USP7: variants seen among roughly 807,000 people sequenced by gnomAD.
USP7 encodes ubiquitin C-terminal hydrolase 7.
A neutral mutation model predicts 162.9 loss-of-function variants in USP7; 9 were observed. The ratio of observed to expected loss-of-function variants is 0.06; its 90% CI spans 0.03 to 0.10. The LOEUF is 0.10. Ranked by LOEUF, USP7 falls within the 10% of genes least tolerant of loss-of-function variation. USP7 has a pLI of 1.00. For synonymous variants in USP7, 562 were observed against 475.9 expected (o/e 1.18, Z -2.35); for missense variants, 715 against 1,373.7 (o/e 0.52, Z 7.58).
At chr16:8,937,475 G>A (rs2141244399) in intron 1 of USP7, among the ~76,000 whole-genome samples, 1 of 152,324 alleles carries the variant, frequency 6.6e-6, no homozygotes, top group East Asian at 1.9e-4. Flanking sequence ...CCAGGAGGCG[G>A]AGGTTGCAGT....
At chr16:8,934,125 C>A (rs1202480734) in intron 1 of USP7, among the ~76,000 whole-genome samples, 1 of 152,168 alleles carries the variant, frequency 6.6e-6, no homozygotes, top group Non-Finnish European at 1.5e-5. Flanking sequence ...TCAAACTTAC[C>A]CTACGACAAT....
Position 8,900,589 on chromosome 16 carries a change from G to A in USP7, c.2250C>T (p.Asp750=), listed in dbSNP as rs754506621. Residue 750 remains aspartate, a synonymous_variant, in exon 21 of 31, where the codon GAC becomes GAT. Transcript: ENST00000344836. ...CATCAAGGGCTTTATCAAGAGACAC[G>A]TCATAGTCCTGAATTCTCTCTGTTA... is the stretch of plus-strand genomic sequence containing the variant. The part of the protein sequence containing the change: ...PNLTERIQDY[D]VSLDKALDEL... 1.9e-6 allele frequency: 3 copies of A among 1,611,878 alleles called. No homozygotes were observed. The highest frequency in any genetic ancestry group is 1.1e-5 in the South Asian group (1 of 90,448).
At chr16:8,936,621 T>A (rs768774774) in intron 1 of USP7, 2 of 1,559,438 alleles carry the variant, frequency 1.3e-6, no homozygotes, top group African/African-American at 1.4e-5. Flanking sequence ...CATCTCTGCA[T>A]GGCTCTGCAG....
At chr16:8,933,784 C>G (rs954255169) in intron 1 of USP7, among the ~76,000 whole-genome samples, 2 of 149,478 alleles carry the variant, frequency 1.3e-5, no homozygotes, top group African/African-American at 4.9e-5. Context: ...GAGATGGAGT[C>G]TTCCTCTATC....
At chr16:8,916,969 T>TA (rs34357840) in intron 7 of USP7, 57 bp downstream of exon 7, 165,476 of 1,260,614 alleles carry the variant, frequency 0.13, 574 homozygotes, top group East Asian at 0.14. Context: ...TCACTTGTCC[T>TA]AAAAAAAAAA....
Position 8,933,693 on chromosome 16 carries a change from A to C in USP7, c.80-3296T>G, listed in dbSNP as rs947113993. Among the ~76,000 whole-genome samples the C allele has an allele frequency of 6.0e-5, 9 of 150,134 alleles. No homozygotes were observed. The South Asian group carries it at 1.7e-3, about 28-fold the overall frequency. ...GTCTTGAACTGGACTCAAGCAATCC[A>C]CCCCTCTCAGTCTCCCAAAATGCTG... On this transcript the variant is annotated intron_variant, in intron 1 of 30. Transcript: ENST00000344836.
At chr16:8,924,759 C>A (rs932411257) in intron 2 of USP7, among the ~76,000 whole-genome samples, 1 of 152,198 alleles carries the variant, frequency 6.6e-6, no homozygotes, top group African/African-American at 2.4e-5. Flanking sequence ...CATCAGTCCT[C>A]CTGGGAGGGT....
At chr16:8,894,410 C>A in intron 30 of USP7, 140 bp downstream of exon 30, 1 of 742,334 alleles carries the variant, frequency 1.3e-6, no homozygotes, top group Non-Finnish European at 2.2e-6. Flanking sequence ...TTATGGAATG[C>A]TATTGCTCCT....
intron 4 of USP7, among the ~76,000 whole-genome samples, chr16:8,920,938 TCC>T (rs1212432727): frequency 2.0e-5 from 3 of 152,204 alleles, no homozygotes. Flanking sequence ...CACTGGGAAC[TCC>T]CTTTGAATGT....
chr16:8,911,705 C>T (rs979470820), intron 10 of USP7, among the ~76,000 whole-genome samples: 4 of 152,220 alleles, frequency 2.6e-5, no homozygotes, highest in Non-Finnish European at 5.9e-5. Context: ...CTCAAGGGAG[C>T]GGGAACCTGC....
chr16:8,925,021 A>G (rs886497826), intron 2 of USP7, among the ~76,000 whole-genome samples: 1 of 152,226 alleles, frequency 6.6e-6, no homozygotes, highest in Non-Finnish European at 1.5e-5. Flanking sequence ...GTTTAAGATA[A>G]TAACGTCTAG....
intron 1 of USP7, among the ~76,000 whole-genome samples, chr16:8,937,411 G>A (rs1051190018): frequency 6.6e-5 from 10 of 152,196 alleles, no homozygotes; most frequent in African/African-American, 9.6e-5. Flanking sequence ...ACGTGGTGGC[G>A]CATGCCTGTA....
At chr16:8,906,364 G>T in intron 13 of USP7, 62 bp downstream of exon 13, 1 of 1,572,804 alleles carries the variant, frequency 6.4e-7, no homozygotes, top group South Asian at 1.2e-5. Flanking sequence ...AGAACAGGCT[G>T]AAGCAGAGCT....
chr16:8,928,626 T>G (rs957243614), intron 2 of USP7, among the ~76,000 whole-genome samples: 8 of 152,122 alleles, frequency 5.3e-5, no homozygotes, highest in Non-Finnish European at 7.4e-5. Flanking sequence ...CCCACGCACT[T>G]TGCCATCAGA....
chr16:8,934,017 A>C (rs1259096046), intron 1 of USP7, among the ~76,000 whole-genome samples: 1 of 152,040 alleles, frequency 6.6e-6, no homozygotes, highest in Non-Finnish European at 1.5e-5. Context: ...TTGGCCTCCC[A>C]AAAGTGCTGA....
chr16:8,942,615 A>G (rs1899099942), intron 1 of USP7, among the ~76,000 whole-genome samples: 1 of 152,142 alleles, frequency 6.6e-6, no homozygotes, highest in African/African-American at 2.4e-5. Context: ...TGGTGCCACC[A>G]TGGCTCACTG....
intron 15 of USP7, 66 bp downstream of exon 15, chr16:8,904,369 A>C: frequency 6.3e-7 from 1 of 1,590,378 alleles, no homozygotes; most frequent in Non-Finnish European, 8.6e-7. Flanking sequence ...GCTGACCTGC[A>C]CTTGTGTATA....
intron 1 of USP7, chr16:8,962,909 C>G (rs1452653501): frequency 1.2e-5 from 2 of 168,654 alleles, no homozygotes; most frequent in African/African-American, 2.4e-5. Flanking sequence ...GAAAACACCT[C>G]CGTCCCTCCG....
At chr16:8,951,489 C>G (rs561307632) in intron 1 of USP7, among the ~76,000 whole-genome samples, 1 of 151,650 alleles carries the variant, frequency 6.6e-6, no homozygotes, top group Non-Finnish European at 1.5e-5. Context: ...CTGAGCCAGC[C>G]GGATTCATGT....
Sources: gnomAD v4.1 joint callset for allele counts (sites outside exome capture counted in the v4.1 genomes callset) on GRCh38, gnomAD v4.1.1 for gene constraint, MANE v1.5 for transcripts, NCBI Gene and HGNC (gene_info 2026-07-23, HGNC 2026-07-21) for gene names.